The following NSMCE2 variants were observed in gnomAD, a reference collection of about 807,000 sequenced individuals.
The protein encoded by NSMCE2 is NSE2 SUMO ligase component of SMC5/6 complex, also known as E3 SUMO-protein ligase NSE2.
A neutral mutation model predicts 23.8 loss-of-function variants in NSMCE2; 24 were observed. The observed-to-expected ratio is 1.01, with a 90% CI of 0.73 to 1.42. The LOEUF is 1.42. Among genes scored for constraint, NSMCE2 ranks in the 40% most tolerant of loss-of-function variants. The pLI is 0.00. For missense variants in NSMCE2, 284 were observed against 296.5 expected, an observed-to-expected ratio of 0.96 and a Z score of 0.31; for synonymous variants, 92 against 94.1, an observed-to-expected ratio of 0.98 and a Z score of 0.13.
intron 5 of NSMCE2, among the ~76,000 whole-genome samples, chr8:125,281,998 G>A (rs959488135): frequency 6.6e-6 from 1 of 152,160 alleles, no homozygotes; most frequent in Non-Finnish European, 1.5e-5. Context: ...GGAAGGAAAT[G>A]GATAAAACTG....
chr8:125,240,591 T>C (rs1825732460), intron 5 of NSMCE2, among the ~76,000 whole-genome samples: 1 of 152,252 alleles, frequency 6.6e-6, no homozygotes. Flanking sequence ...CATCACCTGT[T>C]CTTCAATCTT....
intron 5 of NSMCE2, among the ~76,000 whole-genome samples, chr8:125,245,695 A>G (rs144828320): frequency 9.8e-5 from 15 of 152,308 alleles, no homozygotes; most frequent in East Asian, 5.8e-4. Context: ...AAAATGATCA[A>G]TCTAAGAGCT....
At chr8:125,132,640 C>T (rs933401190) in intron 3 of NSMCE2, among the ~76,000 whole-genome samples, 3 of 151,952 alleles carry the variant, frequency 2.0e-5, no homozygotes, top group Admixed American at 1.3e-4. Context: ...ACTACAGATA[C>T]ACGCTACCAC....
chr8:125,272,699 GATAT>G (rs10635586), intron 5 of NSMCE2, among the ~76,000 whole-genome samples: 8 of 125,458 alleles, frequency 6.4e-5, no homozygotes, highest in African/African-American at 2.3e-4. Context: ...AGCTACTTGG[GATAT>G]ATATATATAT....
chr8:125,214,276 G>A (rs1034461963), intron 5 of NSMCE2, among the ~76,000 whole-genome samples: 1 of 152,160 alleles, frequency 6.6e-6, no homozygotes, highest in Non-Finnish European at 1.5e-5. Context: ...TACACAAACA[G>A]TAAGGTCAAG....
At chr8:125,310,065 G>A (rs1828920591) in intron 5 of NSMCE2, among the ~76,000 whole-genome samples, 1 of 152,164 alleles carries the variant, frequency 6.6e-6, no homozygotes, top group Non-Finnish European at 1.5e-5. Flanking sequence ...AGCAAAATTA[G>A]GTGTGATTAA....
chr8:125,258,736 G>T (rs542277350), intron 5 of NSMCE2, among the ~76,000 whole-genome samples: 1 of 152,244 alleles, frequency 6.6e-6, no homozygotes, highest in South Asian at 2.1e-4. Context: ...GGAGAGAGGT[G>T]GGGGGGTTAT....
intron 5 of NSMCE2, among the ~76,000 whole-genome samples, chr8:125,275,034 T>A (rs925526098): frequency 2.3e-5 from 3 of 132,140 alleles, no homozygotes; most frequent in African/African-American, 8.2e-5. Context: ...ATAATAATAA[T>A]AAATAGAATA....
Position 125,182,170 on chromosome 8 carries a change from T to C in NSMCE2, c.332T>C (p.Leu111Ser). 6.2e-7 allele frequency: 1 copy of C among 1,607,374 alleles called. No individual in the cohort carries two copies. Among genetic ancestry groups the C allele is most frequent in the Admixed American group, 1.7e-5 (1 of 59,132 alleles). ...KLLVEKKFLA[L>S]QSKNSDADFQ... ...TTGGTAGAGAAGAAATTTTTGGCTT[T>C]ACAGAGCAAGAATTCTGATGCAGAC... is the stretch of plus-strand genomic sequence containing the variant. The change falls in exon 5 of 8, where the codon TTA becomes TCA. Residue 111 changes from leucine to serine, a missense_variant. By Grantham distance (145) the Leu-to-Ser change is moderately radical. This residue lies in a region of NSMCE2 where 182 missense variants were observed against 155.5 expected (regional missense o/e 1.17). Coordinates refer to ENST00000287437, the MANE Select transcript of NSMCE2 (RefSeq NM_173685.4).
At chr8:125,310,506 A>C (rs1399835515) in intron 5 of NSMCE2, among the ~76,000 whole-genome samples, 3 of 152,212 alleles carry the variant, frequency 2.0e-5, no homozygotes, top group Non-Finnish European at 4.4e-5. Flanking sequence ...TGGTGTATTC[A>C]ATATGGTTTT....
rs767289095 is a variant in NSMCE2 at position 125,182,092 on chromosome 8, G to T, written c.265-11G>T. On this transcript the variant is annotated splice_polypyrimidine_tract_variant and intron_variant, in intron 4 of 7. Transcript: ENST00000287437. ...AACATTTAACTCAGGTAATTTTGTT[G>T]TCTCCCTTAGGTGAAAGAAGAACGT... The T allele has an allele frequency of 3.9e-6, 6 of 1,556,440 alleles. No homozygotes were observed. The highest frequency in any genetic ancestry group is 3.5e-6 in the Non-Finnish European group (4 of 1,154,516).
intron 5 of NSMCE2, among the ~76,000 whole-genome samples, chr8:125,233,380 A>G (rs1825412069): frequency 1.3e-5 from 2 of 152,340 alleles, no homozygotes; most frequent in Admixed American, 1.3e-4. Context: ...TCTCATAAGA[A>G]CAAATACAAA....
intron 7 of NSMCE2, among the ~76,000 whole-genome samples, chr8:125,358,099 G>A (rs1474067752): frequency 1.3e-5 from 2 of 152,144 alleles, no homozygotes; most frequent in Admixed American, 6.5e-5. Flanking sequence ...TTGGGAAGCC[G>A]AGGTGGGCAG....
At chr8:125,276,762 C>G (rs1827465100) in intron 5 of NSMCE2, among the ~76,000 whole-genome samples, 1 of 152,130 alleles carries the variant, frequency 6.6e-6, no homozygotes, top group South Asian at 2.1e-4. Flanking sequence ...AGTGTTATTC[C>G]TGTTACAGAC....
chr8:125,102,155 C>A lies in NSMCE2; in HGVS notation c.-15+9C>A. ...TGTGTTTGGTGGCCCAGGTGAGTGGCACAGTGATTTGGTGTCTTCTCTATA... is the reference window on the plus strand; with the variant it reads ...TGTGTTTGGTGGCCCAGGTGAGTGGAACAGTGATTTGGTGTCTTCTCTATA... On this transcript the variant is annotated intron_variant, in intron 2 of 7. Transcript: ENST00000287437. 5.2e-6 allele frequency: 3 copies of A among 573,808 alleles called. No individual in the cohort carries two copies. The highest frequency in any genetic ancestry group is 9.3e-6 in the Non-Finnish European group (3 of 321,888). The allele number at this position is 573,808 out of a possible 1,614,324, so 35.5% of individuals were successfully genotyped here.
At chr8:125,335,638 T>C (rs141786582) in intron 5 of NSMCE2, among the ~76,000 whole-genome samples, 2,385 of 152,250 alleles carry the variant, frequency 0.016, 53 homozygotes, top group African/African-American at 0.054. Flanking sequence ...CCACACAAGC[T>C]CTCTCAGTGT....
chr8:125,271,260 CA>C lies in NSMCE2; in HGVS notation c.419-85944del, dbSNP rs35443773. 2.4e-3 allele frequency among the ~76,000 whole-genome samples: 298 copies of C among 126,800 alleles called. 3 individuals carry two copies. In the East Asian group the frequency reaches 0.032, roughly 14 times the overall value. The allele number at this position is 126,800 out of a possible 152,430, so 83.2% of individuals were successfully genotyped here. On this transcript the variant is annotated intron_variant, in intron 5 of 7. Coordinates refer to ENST00000287437, the MANE Select transcript of NSMCE2 (RefSeq NM_173685.4). ...TGGGCGACCAAGTGAGACTCCATCT[CA>C]AAAAAAAAAAAAAAGTATTACTCTA...
In NSMCE2 at chr8:125,182,222, G is replaced by A. The variant is rs113899387; in HGVS notation, c.384G>A (p.Gln128=). The A allele has an allele frequency of 6.2e-7, 1 of 1,607,642 alleles. No individual in the cohort carries two copies. The highest frequency in any genetic ancestry group is 1.3e-5 in the African/African-American group (1 of 74,648). The part of the protein sequence containing the change: ...ADFQNNEKFV[Q]FKQQLKELKK... ...TTCAAAATAATGAAAAATTTGTACA[G>A]TTTAAACAACAGCTGAAAGAACTAA... Residue 128 remains glutamine, a synonymous_variant, in exon 5 of 8, where the codon CAG becomes CAA. Transcript: ENST00000287437.
At chr8:125,358,417 TATAA>T (rs1813380053) in intron 7 of NSMCE2, among the ~76,000 whole-genome samples, 1 of 150,976 alleles carries the variant, frequency 6.6e-6, no homozygotes, top group South Asian at 2.1e-4. Context: ...GCAGAATCTT[TATAA>T]ATAGACATAA....
Sources: allele counts gnomAD v4.1 joint callset (sites outside exome capture counted in the v4.1 genomes callset), GRCh38; gene constraint gnomAD v4.1.1; regional missense constraint gnomAD v4.1.1; transcripts MANE v1.5; gene names NCBI Gene and HGNC (gene_info 2026-07-23, HGNC 2026-07-21).